The following PRSS12 variants were observed in gnomAD, a reference collection of about 807,000 sequenced individuals.
PRSS12 encodes the protein serine protease 12, also known as neurotrypsin.
In PRSS12, 85 loss-of-function variants were observed where a neutral mutation model predicts 104.4. The ratio of observed to expected loss-of-function variants is 0.81; its 90% CI spans 0.68 to 0.98. The LOEUF (loss-of-function observed/expected upper bound fraction) is 0.98. Ranked by LOEUF, PRSS12 falls within the 50% of genes least tolerant of loss-of-function variation. The probability of loss-of-function intolerance (pLI) is 0.00; values close to 1 mark genes in which losing one functional copy is unlikely to be tolerated. For missense variants in PRSS12, 1,141 were observed against 1,139.2 expected (o/e 1.00, Z -0.02); for synonymous variants, 454 against 425.2 (o/e 1.07, Z -0.83).
At chr4:118,332,074 G>C (rs536798565) in intron 3 of PRSS12, among the ~76,000 whole-genome samples, 2 of 152,166 alleles carry the variant, frequency 1.3e-5, no homozygotes, top group South Asian at 4.1e-4. Flanking sequence ...ATGAATACAA[G>C]TAACTCTTAG....
At position 118,331,854 on chromosome 4, in the gene PRSS12, G is replaced by A; in HGVS notation, c.833C>T (p.Pro278Leu). Residue 278 changes from proline (P) to leucine (L), a missense_variant, in exon 4 of 13, where the codon CCC becomes CTC. Pro to Leu is a moderately conservative substitution (Grantham distance 98). Coordinates refer to ENST00000296498, the MANE Select transcript of PRSS12 (RefSeq NM_003619.4). ...GCTGCCTCCAGCAAGGCGAATGATGGGGAACGTTGGGCCTGTGCAATGTGA... is the reference window on the plus strand; with the variant it reads ...GCTGCCTCCAGCAAGGCGAATGATGAGGAACGTTGGGCCTGTGCAATGTGA... ...TCSFSHGPTF[P>L]IIRLAGGSSV... 4 of 1,614,028 alleles carry A rather than the reference G, an allele frequency of 2.5e-6. No individual in the cohort carries two copies. Among genetic ancestry groups the A allele is most frequent in the Non-Finnish European group, 3.4e-6 (4 of 1,180,044 alleles).
At chr4:118,292,703 C>G (rs1398672251) in intron 11 of PRSS12, among the ~76,000 whole-genome samples, 1 of 152,148 alleles carries the variant, frequency 6.6e-6, no homozygotes, top group African/African-American at 2.4e-5. Context: ...CACTAGTAAA[C>G]AGGTGGACTC....
intron 4 of PRSS12, among the ~76,000 whole-genome samples, chr4:118,328,620 G>C (rs1723841810): frequency 6.6e-6 from 1 of 152,080 alleles, no homozygotes; most frequent in Non-Finnish European, 1.5e-5. Context: ...ATTACAGCAT[G>C]AATTTCTATT....
intron 1 of PRSS12, among the ~76,000 whole-genome samples, chr4:118,342,575 ATTATAT>A (rs1724243540): frequency 6.6e-6 from 1 of 152,224 alleles, no homozygotes; most frequent in Non-Finnish European, 1.5e-5. Flanking sequence ...TTTTAGGTCA[ATTATAT>A]TAAGCATTAT....
chr4:118,347,098 A>G (rs950557557), intron 1 of PRSS12, among the ~76,000 whole-genome samples: 3 of 152,130 alleles, frequency 2.0e-5, no homozygotes, highest in African/African-American at 7.2e-5. Context: ...AAATATGCAC[A>G]CTAGTTAAGA....
chr4:118,318,607 T>G, intron 4 of PRSS12, 51 bp from the exon 5 acceptor site: 1 of 1,564,862 alleles, frequency 6.4e-7, no homozygotes, highest in Non-Finnish European at 8.7e-7. Flanking sequence ...CAAAGATTGG[T>G]CTTTTATTTT....
At chr4:118,321,016 T>C (rs540976599) in intron 4 of PRSS12, among the ~76,000 whole-genome samples, 1 of 152,318 alleles carries the variant, frequency 6.6e-6, no homozygotes, top group Non-Finnish European at 1.5e-5. Context: ...TGTAACACAG[T>C]GGACTCTGAG....
rs1743800449 is a variant in PRSS12 at position 118,313,206 on chromosome 4, G to A, written c.1484C>T (p.Ser495Phe). Residue 495 changes from serine (S) to phenylalanine (F), a missense_variant, in exon 7 of 13, where the codon TCT becomes TTT. By Grantham distance (155) the Ser-to-Phe change is radical (BLOSUM62 -2). Coordinates refer to ENST00000296498, the MANE Select transcript of PRSS12 (RefSeq NM_003619.4). ...GAGCTGCAGCCAGTCCTCACCCAGA[G>A]AGAGCCTGTGTCCCTCGCCGCCAGG... Reference protein sequence around the residue: ...CYPGGEGHRLSLGFPVRLMDG... With the variant: ...CYPGGEGHRLFLGFPVRLMDG... 3 of 1,613,160 alleles carry A rather than the reference G, an allele frequency of 1.9e-6. No individual in the cohort carries two copies. The highest frequency in any genetic ancestry group is 1.7e-6 in the Non-Finnish European group (2 of 1,179,834).
chr4:118,294,782 G>T (rs1743214850), intron 11 of PRSS12, among the ~76,000 whole-genome samples, 157 bp downstream of exon 11: 1 of 152,092 alleles, frequency 6.6e-6, no homozygotes, highest in South Asian at 2.1e-4. Context: ...GGCTCTCTTT[G>T]CTCCTTTTGT....
At chr4:118,287,010 T>A (rs1191366302) in intron 11 of PRSS12, among the ~76,000 whole-genome samples, 1 of 152,158 alleles carries the variant, frequency 6.6e-6, no homozygotes, top group Non-Finnish European at 1.5e-5. Flanking sequence ...ACCCCAGAAT[T>A]TGTATGCTCA....
chr4:118,314,262 T>C (rs941072109), intron 6 of PRSS12, among the ~76,000 whole-genome samples: 2 of 152,174 alleles, frequency 1.3e-5, no homozygotes, highest in Non-Finnish European at 1.5e-5. Flanking sequence ...TTATTATTTC[T>C]GTACTAAGAA....
At position 118,352,557 on chromosome 4, in the gene PRSS12, C is replaced by G. The variant is rs13119545; in HGVS notation, c.164G>C (p.Arg55Thr). The G allele has an allele frequency of 0.62, 952,597 of 1,532,850 alleles. 303,462 individuals are homozygous for G. Among genetic ancestry groups the G allele is most frequent in the Admixed American group, 0.74 (35,889 of 48,794 alleles). 95.0% of individuals were successfully genotyped at this position (1,532,850 alleles called of 1,614,324 possible). A position where few individuals can be genotyped will look rare whatever the true frequency, so the allele number is the denominator to read the frequency against. The change falls in exon 1 of 13, where the codon AGG becomes ACG. Residue 55 changes from arginine to threonine, a missense_variant. Physicochemically the swap from Arg to Thr is moderately conservative, Grantham distance 71 (BLOSUM62 -1). Coordinates refer to ENST00000296498, the MANE Select transcript of PRSS12 (RefSeq NM_003619.4). ...YYLPTQQRPP[R>T]TRPPPPLPRF... Reference sequence around the variant, plus strand: ...CGGGAGAGGCGGCGGCGGACGCGTCCTCGGGGGCCGCTGCTGGGTGGGAAG... The same window carrying G: ...CGGGAGAGGCGGCGGCGGACGCGTCGTCGGGGGCCGCTGCTGGGTGGGAAG...
intron 8 of PRSS12, among the ~76,000 whole-genome samples, chr4:118,302,704 G>A (rs1743431103): frequency 6.6e-6 from 1 of 152,182 alleles, no homozygotes; most frequent in South Asian, 2.1e-4. Context: ...TGGGATTACA[G>A]GCGTGAGCCA....
At chr4:118,316,045 ATT>A in intron 6 of PRSS12, 135 bp downstream of exon 6, 1 of 942,508 alleles carries the variant, frequency 1.1e-6, no homozygotes, top group Non-Finnish European at 1.6e-6. Flanking sequence ...ATTATTTTTC[ATT>A]GTTGTACTTC....
At chr4:118,325,298 A>G (rs1016834913) in intron 4 of PRSS12, among the ~76,000 whole-genome samples, 1 of 151,720 alleles carries the variant, frequency 6.6e-6, no homozygotes, top group Non-Finnish European at 1.5e-5. Flanking sequence ...ACATGGGTCC[A>G]ATATACCCAT....
At chr4:118,309,141 G>A (rs1175262058) in intron 7 of PRSS12, among the ~76,000 whole-genome samples, 2 of 151,794 alleles carry the variant, frequency 1.3e-5, no homozygotes, top group East Asian at 3.9e-4. Flanking sequence ...TACCATCTAA[G>A]GCTTTCTATT....
chr4:118,320,622 A>G (rs1301356498), intron 4 of PRSS12, among the ~76,000 whole-genome samples: 2 of 151,934 alleles, frequency 1.3e-5, no homozygotes, highest in Non-Finnish European at 2.9e-5. Flanking sequence ...GTGTGGTGGC[A>G]CACACCTGTG....
At chr4:118,284,082 C>A (rs989539984) in intron 11 of PRSS12, among the ~76,000 whole-genome samples, 10 of 152,252 alleles carry the variant, frequency 6.6e-5, no homozygotes, top group Middle Eastern at 3.4e-3. Flanking sequence ...TGATACCAAA[C>A]CCACCTAAAG....
At position 118,350,601 on chromosome 4, in the gene PRSS12, A is replaced by G. The variant is rs970025115; in HGVS notation, c.502+1618T>C. On this transcript the variant is annotated intron_variant, in intron 1 of 12. Transcript: ENST00000296498. Reference sequence around the variant, plus strand: ...GAAGTACAAATAACTATTATGCAGTATTTGGGATTTTGTCTGGTGAGAGTT... The same window carrying G: ...GAAGTACAAATAACTATTATGCAGTGTTTGGGATTTTGTCTGGTGAGAGTT... Among the ~76,000 whole-genome samples the G allele has an allele frequency of 2.0e-5, 3 of 152,320 alleles. No individual in the cohort carries two copies. The South Asian group carries it at 6.2e-4, about 32-fold the overall frequency.
Sources: gnomAD v4.1 joint callset for allele counts (sites outside exome capture counted in the v4.1 genomes callset) on GRCh38, gnomAD v4.1.1 for gene constraint, MANE v1.5 for transcripts, NCBI Gene and HGNC (gene_info 2026-07-23, HGNC 2026-07-21) for gene names.